MAPKAPK5: variants seen among roughly 807,000 people sequenced by gnomAD.
The protein encoded by MAPKAPK5 is MAPK activated protein kinase 5.
Under a neutral mutation model 65.1 loss-of-function variants are expected in MAPKAPK5, and 30 were observed. The ratio of observed to expected loss-of-function variants is 0.46; its 90% CI spans 0.34 to 0.63. MAPKAPK5 has a LOEUF of 0.63. Among genes scored for constraint, MAPKAPK5 ranks in the 20% least tolerant of loss-of-function variants. MAPKAPK5 has a pLI of 0.01. For synonymous variants in MAPKAPK5, 179 were observed against 204.6 expected (o/e 0.87, Z 1.07); for missense variants, 433 against 581.4 (o/e 0.74, Z 2.63).
At chr12:111,849,779 C>T (rs939404783) in intron 1 of MAPKAPK5, among the ~76,000 whole-genome samples, 9 of 151,448 alleles carry the variant, frequency 5.9e-5, no homozygotes, top group African/African-American at 1.9e-4. Context: ...TGTAGTGATG[C>T]GATCACAGTT....
rs2070957623 is a variant in MAPKAPK5, at chr12:111,899,750, C to T, written c.*6689C>T. 1 of 345,640 alleles carries T rather than the reference C, an allele frequency of 2.9e-6. No individual in the cohort carries two copies. Among genetic ancestry groups the T allele is most frequent in the South Asian group, 2.2e-5 (1 of 45,138 alleles). The allele number at this position is 345,640 out of a possible 1,614,324, so 21.4% of individuals were successfully genotyped here. A position where few individuals can be genotyped will look rare whatever the true frequency, so the allele number is the denominator to read the frequency against. ...CAGGTTCTTTTGTTTCTGTCAACAT[C>T]TGTGCAGGTCTCAGGGGCACATCCT... On this transcript the variant is annotated 3_prime_UTR_variant, in exon 14 of 14. Coordinates refer to ENST00000550735, the MANE Select transcript of MAPKAPK5 (RefSeq NM_003668.4).
At chr12:111,875,214 A>C (rs2069922977) in intron 7 of MAPKAPK5, among the ~76,000 whole-genome samples, 1 of 151,850 alleles carries the variant, frequency 6.6e-6, no homozygotes, top group South Asian at 2.1e-4. Flanking sequence ...AAAAGTGGGC[A>C]TGCCTCTTCT....
At chr12:111,851,621 T>C (rs1566225757) in intron 1 of MAPKAPK5, among the ~76,000 whole-genome samples, 1 of 152,194 alleles carries the variant, frequency 6.6e-6, no homozygotes, top group African/African-American at 2.4e-5. Context: ...CTGCCGCACC[T>C]GGTCCAGGAC....
At chr12:111,886,553 C>T (rs1028496773) in intron 10 of MAPKAPK5, among the ~76,000 whole-genome samples, 1 of 152,236 alleles carries the variant, frequency 6.6e-6, no homozygotes, top group Non-Finnish European at 1.5e-5. Context: ...TTCTCATGTT[C>T]GGACATGCGC....
intron 13 of MAPKAPK5, among the ~76,000 whole-genome samples, chr12:111,892,306 G>T (rs2070643054): frequency 6.6e-6 from 1 of 152,158 alleles, no homozygotes; most frequent in African/African-American, 2.4e-5. Context: ...ACGTGTATAG[G>T]ATTAGAATTG....
At chr12:111,867,774 C>T in intron 4 of MAPKAPK5, 105 bp downstream of exon 4, 1 of 822,706 alleles carries the variant, frequency 1.2e-6, no homozygotes, top group African/African-American at 1.7e-5. Context: ...CCTTCTTCCT[C>T]CTACCCTCGC....
chr12:111,899,900 A>G lies in MAPKAPK5; in HGVS notation c.*6839A>G, dbSNP rs1029700617. The G allele has an allele frequency of 1.3e-5, 6 of 455,940 alleles. No individual in the cohort carries two copies. The highest frequency in any genetic ancestry group is 8.0e-5 in the African/African-American group (4 of 50,046). The allele number at this position is 455,940 out of a possible 1,614,324, so 28.2% of individuals were successfully genotyped here. A position where few individuals can be genotyped will look rare whatever the true frequency, so the allele number is the denominator to read the frequency against. On this transcript the variant is annotated 3_prime_UTR_variant, in exon 14 of 14. Coordinates refer to ENST00000550735, the MANE Select transcript of MAPKAPK5 (RefSeq NM_003668.4). ...CTGTGGTGTCTACTAGCTGGCAACA[A>G]GGGAGCAGGAAGCCTCATGATCTAC... is the stretch of plus-strand genomic sequence containing the variant.
Position 111,853,596 on chromosome 12 carries a change from G to A in MAPKAPK5, c.36+10827G>A, listed in dbSNP as rs1398244440. The stretch of plus-strand genomic sequence containing the variant: ...GTTGCCCAGGCTGGAGTGCAGTGGT[G>A]TGATCTTAGCTTACTGCAACCTCCG... On this transcript the variant is annotated intron_variant, in intron 1 of 13. Coordinates refer to ENST00000550735, the MANE Select transcript of MAPKAPK5 (RefSeq NM_003668.4). Among the ~76,000 whole-genome samples the A allele has an allele frequency of 2.6e-5, 4 of 152,070 alleles. No homozygotes were observed. The East Asian group carries it at 7.7e-4, about 29-fold the overall frequency.
At chr12:111,851,797 G>A (rs536938995) in intron 1 of MAPKAPK5, among the ~76,000 whole-genome samples, 2 of 152,370 alleles carry the variant, frequency 1.3e-5, no homozygotes, top group East Asian at 1.9e-4. Flanking sequence ...ATTCCTGGTG[G>A]AGAAAACTCT....
intron 7 of MAPKAPK5, among the ~76,000 whole-genome samples, chr12:111,878,462 C>T (rs937143143): frequency 2.0e-5 from 3 of 151,930 alleles, no homozygotes; most frequent in Admixed American, 2.0e-4. Flanking sequence ...CACTCTGTTG[C>T]CAAGTTGGAG....
Position 111,901,825 on chromosome 12 carries a change from T to G in MAPKAPK5, c.*8764T>G, listed in dbSNP as rs1388682761. 1 of 156,462 alleles carries G rather than the reference T, an allele frequency of 6.4e-6. No individual in the cohort carries two copies. Among genetic ancestry groups the G allele is most frequent in the Admixed American group, 6.2e-5 (1 of 16,026 alleles). 9.7% of individuals were successfully genotyped at this position (156,462 alleles called of 1,614,324 possible). A position where few individuals can be genotyped will look rare whatever the true frequency, so the allele number is the denominator to read the frequency against. On this transcript the variant is annotated 3_prime_UTR_variant, in exon 14 of 14. Coordinates refer to ENST00000550735, the MANE Select transcript of MAPKAPK5 (RefSeq NM_003668.4). ...TGGCTCTGACTCAGATATACTGATGTAGAAGGAAGGATTCTTTCACTTTTA... is the reference window on the plus strand; with the variant it reads ...TGGCTCTGACTCAGATATACTGATGGAGAAGGAAGGATTCTTTCACTTTTA...
At chr12:111,880,085 C>T (rs1469545090) in intron 7 of MAPKAPK5, 3 of 289,200 alleles carry the variant, frequency 1.0e-5, no homozygotes, top group Admixed American at 8.4e-5. Context: ...TGTCATAGTC[C>T]CTGATGGTAA....
chr12:111,844,618 A>G (rs1226012636), intron 1 of MAPKAPK5, among the ~76,000 whole-genome samples: 2 of 152,250 alleles, frequency 1.3e-5, no homozygotes, highest in Non-Finnish European at 2.9e-5. Context: ...TGTCCTAGAC[A>G]CAAATGGTAC....
chr12:111,883,912 G>A lies in MAPKAPK5; in HGVS notation c.848+144G>A, dbSNP rs527395767. ...TCACAGAAATCTCTCTGGAGCCTGAGGTGACTGTTCTCAGTGTCCACACCT... is the reference window on the plus strand; with the variant it reads ...TCACAGAAATCTCTCTGGAGCCTGAAGTGACTGTTCTCAGTGTCCACACCT... On this transcript the variant is annotated intron_variant, in intron 9 of 13. Coordinates refer to ENST00000550735, the MANE Select transcript of MAPKAPK5 (RefSeq NM_003668.4). This position sits in a 1 kb window ranked among gnomAD's most constrained non-coding sequence, Gnocchi z 4.8. 1.1e-5 allele frequency: 9 copies of A among 830,040 alleles called. No individual in the cohort carries two copies. The highest frequency in any genetic ancestry group is 1.7e-5 in the Non-Finnish European group (9 of 544,108). The allele number at this position is 830,040 out of a possible 1,614,324, so 51.4% of individuals were successfully genotyped here.
rs934091298 is a variant in MAPKAPK5, at chr12:111,899,634, C to T, written c.*6573C>T. 7.6e-6 allele frequency: 2 copies of T among 262,148 alleles called. No homozygotes were observed. Among genetic ancestry groups the T allele is most frequent in the African/African-American group, 2.2e-5 (1 of 45,326 alleles). 16.2% of individuals were successfully genotyped at this position (262,148 alleles called of 1,614,324 possible). On this transcript the variant is annotated 3_prime_UTR_variant, in exon 14 of 14. Coordinates refer to ENST00000550735, the MANE Select transcript of MAPKAPK5 (RefSeq NM_003668.4). ...GAGAAACCATTTTGTGAATAACTTT[C>T]CAGTCTACAGTTACCACAATGGCCT...
intron 10 of MAPKAPK5, 23 bp downstream of exon 10, chr12:111,886,059 T>A (rs2070392970): frequency 6.2e-7 from 1 of 1,613,896 alleles, no homozygotes; most frequent in African/African-American, 1.3e-5. Flanking sequence ...GTTTACTTTG[T>A]TGGCTGAAAA....
chr12:111,890,250 G>A (rs898408782), intron 13 of MAPKAPK5, 106 bp downstream of exon 13: 5 of 817,932 alleles, frequency 6.1e-6, no homozygotes, highest in African/African-American at 5.1e-5. Context: ...TTGAAGTGAA[G>A]TGAGGCTGGC....
chr12:111,873,775 T>C (rs1200970729), intron 7 of MAPKAPK5, among the ~76,000 whole-genome samples: 1 of 152,254 alleles, frequency 6.6e-6, no homozygotes, highest in East Asian at 1.9e-4. Flanking sequence ...TATTATATCT[T>C]GACTTCAGAT....
Position 111,890,287 on chromosome 12 carries a change from TG to T in MAPKAPK5, c.1321+148del, listed in dbSNP as rs759705236. The T allele has an allele frequency of 4.8e-5, 31 of 645,436 alleles. No homozygotes were observed. In the South Asian group the frequency reaches 5.3e-4, roughly 11 times the overall value. 40.0% of individuals were successfully genotyped at this position (645,436 alleles called of 1,614,324 possible). A position where few individuals can be genotyped will look rare whatever the true frequency, so the allele number is the denominator to read the frequency against. On this transcript the variant is annotated intron_variant, in intron 13 of 13. Transcript: ENST00000550735. ...GGAGAGTGAGTGGAGCATTGTGGAA[TG>T]GGGGTTAGCTCTACATTAACTGCCC...
Sources: allele counts gnomAD v4.1 joint callset (sites outside exome capture counted in the v4.1 genomes callset), GRCh38; gene constraint gnomAD v4.1.1; non-coding constraint Gnocchi (gnomAD v3.1); transcripts MANE v1.5; gene names NCBI Gene and HGNC (gene_info 2026-07-23, HGNC 2026-07-21).